Variants in AGBL4 observed in about 807,000 individuals in gnomAD.
AGBL4 encodes the protein AGBL carboxypeptidase 4.
A neutral mutation model predicts 66.4 loss-of-function variants in AGBL4; 58 were observed. The observed-to-expected ratio is 0.87, with a 90% CI of 0.71 to 1.09. AGBL4 has a LOEUF of 1.09. AGBL4 is among the 50% of genes least tolerant of loss of function. AGBL4 has a pLI of 0.00. For missense variants in AGBL4, 579 were observed against 631.0 expected (o/e 0.92, Z 0.88); for synonymous variants, 234 against 222.9 (o/e 1.05, Z -0.44).
chr1:49,952,888 A>G (rs147946487), intron 1 of AGBL4, among the ~76,000 whole-genome samples: 3 of 151,950 alleles, frequency 2.0e-5, no homozygotes, highest in African/African-American at 7.2e-5. Context: ...ACCTGAAAAT[A>G]TTTCTCCCAC....
intron 4 of AGBL4, among the ~76,000 whole-genome samples, chr1:49,209,043 G>A (rs549502284): frequency 4.6e-5 from 7 of 152,210 alleles, no homozygotes; most frequent in African/African-American, 1.7e-4. Context: ...CAGGGCATGT[G>A]TAAAAGAAAA....
intron 3 of AGBL4, among the ~76,000 whole-genome samples, chr1:49,380,471 C>T (rs915315727): frequency 1.5e-4 from 23 of 152,210 alleles, no homozygotes; most frequent in Admixed American, 7.2e-4. Context: ...CAATGACTTT[C>T]TTCACAGAAT....
intron 2 of AGBL4, among the ~76,000 whole-genome samples, chr1:49,774,098 C>T (rs1644135515): frequency 6.6e-6 from 1 of 152,190 alleles, no homozygotes; most frequent in South Asian, 2.1e-4. Flanking sequence ...ATGTATGTCT[C>T]ATGAGCAAGG....
chr1:49,810,167 C>T (rs867744138), intron 2 of AGBL4, among the ~76,000 whole-genome samples: 8 of 152,034 alleles, frequency 5.3e-5, no homozygotes, highest in Admixed American at 2.0e-4. Flanking sequence ...CAGCTAAGTA[C>T]CAGACACAAA....
At chr1:49,980,593 A>T (rs954489481) in intron 1 of AGBL4, among the ~76,000 whole-genome samples, 1 of 152,190 alleles carries the variant, frequency 6.6e-6, no homozygotes, top group African/African-American at 2.4e-5. Context: ...ACCATGTGAC[A>T]GGATTTCCTT....
intron 3 of AGBL4, among the ~76,000 whole-genome samples, chr1:49,588,647 T>C (rs948649924): frequency 6.6e-6 from 1 of 152,208 alleles, no homozygotes; most frequent in African/African-American, 2.4e-5. Context: ...TGGTTCGTTC[T>C]CTTATATGTG....
chr1:49,010,891 A>G (rs1404558834), intron 5 of AGBL4, among the ~76,000 whole-genome samples: 7 of 151,592 alleles, frequency 4.6e-5, no homozygotes. Flanking sequence ...AAGATGGATT[A>G]AAGACTTAAA....
chr1:49,514,773 A>T (rs963420151), intron 3 of AGBL4, among the ~76,000 whole-genome samples: 1 of 152,148 alleles, frequency 6.6e-6, no homozygotes, highest in Non-Finnish European at 1.5e-5. Context: ...CCTGACAAAA[A>T]CAAGCAATAG....
intron 6 of AGBL4, among the ~76,000 whole-genome samples, chr1:48,828,551 A>C (rs1646481633): frequency 6.6e-6 from 1 of 152,136 alleles, no homozygotes; most frequent in Non-Finnish European, 1.5e-5. Flanking sequence ...TCTTTGTTTC[A>C]AATATTTGGA....
At chr1:49,327,485 T>G (rs990099252) in intron 3 of AGBL4, among the ~76,000 whole-genome samples, 1 of 152,196 alleles carries the variant, frequency 6.6e-6, no homozygotes, top group Non-Finnish European at 1.5e-5. Flanking sequence ...TTTCTCATAA[T>G]TTTGAAGGCT....
chr1:49,880,608 T>A (rs1015803276), intron 1 of AGBL4, among the ~76,000 whole-genome samples: 14 of 152,110 alleles, frequency 9.2e-5, no homozygotes, highest in African/African-American at 3.4e-4. Context: ...TACTGCTGTC[T>A]TTTTGTTTGT....
chr1:48,826,792 C>A (rs114276721), intron 6 of AGBL4, among the ~76,000 whole-genome samples: 1,653 of 152,284 alleles, frequency 0.011, 19 homozygotes, highest in Non-Finnish European at 0.014. Context: ...ACTTAACAAA[C>A]GCTGAGTCTT....
chr1:49,133,156 C>T (rs1473151758), intron 4 of AGBL4, among the ~76,000 whole-genome samples: 2 of 152,144 alleles, frequency 1.3e-5, no homozygotes, highest in African/African-American at 2.4e-5. Flanking sequence ...CCAAACACTG[C>T]ATGTTCTCAC....
At chr1:49,204,410 A>G (rs1437198748) in intron 4 of AGBL4, among the ~76,000 whole-genome samples, 1 of 151,912 alleles carries the variant, frequency 6.6e-6, no homozygotes, top group East Asian at 1.9e-4. Flanking sequence ...AACTGGGACT[A>G]TACACATGCA....
intron 6 of AGBL4, among the ~76,000 whole-genome samples, chr1:48,791,867 A>T (rs1557997933): frequency 6.6e-6 from 1 of 152,188 alleles, no homozygotes; most frequent in Non-Finnish European, 1.5e-5. Flanking sequence ...TTCAAAAAAC[A>T]TTTCCCGAGC....
At chr1:49,807,139 G>C (rs1644993380) in intron 2 of AGBL4, among the ~76,000 whole-genome samples, 1 of 152,082 alleles carries the variant, frequency 6.6e-6, no homozygotes, top group South Asian at 2.1e-4. Context: ...TCAATGTCTA[G>C]GCTGTACCTA....
intron 3 of AGBL4, among the ~76,000 whole-genome samples, chr1:49,692,534 C>T (rs936094844): frequency 3.3e-5 from 5 of 151,866 alleles, no homozygotes; most frequent in South Asian, 4.2e-4. Flanking sequence ...CTGGCTAGCA[C>T]GGTGAAACCC....
At chr1:49,226,857 A>G (rs1649950666) in intron 4 of AGBL4, among the ~76,000 whole-genome samples, 1 of 152,212 alleles carries the variant, frequency 6.6e-6, no homozygotes, top group Non-Finnish European at 1.5e-5. Context: ...CTGGCTTATA[A>G]ACAATAGCAA....
At chr1:49,287,354 T>G (rs1310237111) in intron 3 of AGBL4, among the ~76,000 whole-genome samples, 1 of 146,520 alleles carries the variant, frequency 6.8e-6, no homozygotes. Flanking sequence ...AAAGCCAAAA[T>G]TGACAAATGG....
Sources: allele counts gnomAD v4.1 joint callset (sites outside exome capture counted in the v4.1 genomes callset), GRCh38; gene constraint gnomAD v4.1.1; transcripts MANE v1.5; gene names NCBI Gene and HGNC (gene_info 2026-07-23, HGNC 2026-07-21).